Variants in CTNND2 observed in about 807,000 individuals in gnomAD.
CTNND2 encodes the protein catenin delta-2.
CTNND2 carries 22 observed loss-of-function variants against 144.4 expected under a neutral mutation model. The ratio of observed to expected loss-of-function variants is 0.15; its 90% CI spans 0.11 to 0.22. CTNND2 has a LOEUF of 0.22. CTNND2 is among the 10% of genes least tolerant of loss of function. The pLI, the probability that CTNND2 is intolerant of heterozygous loss-of-function variation, is 1.00. For synonymous variants in CTNND2, 751 were observed against 695.6 expected (o/e 1.08, Z -1.25); for missense variants, 1,353 against 1,618.8 (o/e 0.84, Z 2.82).
chr5:11,841,757 T>C (rs139063243), intron 1 of CTNND2, among the ~76,000 whole-genome samples: 4 of 152,046 alleles, frequency 2.6e-5, no homozygotes, highest in Non-Finnish European at 4.4e-5. Context: ...TGGACTATAA[T>C]GACATTTAAT....
At chr5:11,321,869 G>A (rs910220470) in intron 9 of CTNND2, among the ~76,000 whole-genome samples, 2 of 152,054 alleles carry the variant, frequency 1.3e-5, no homozygotes, top group African/African-American at 4.8e-5. Context: ...GCAGAGGTGA[G>A]CTTCCTAAAG....
intron 7 of CTNND2, among the ~76,000 whole-genome samples, chr5:11,368,414 C>T (rs759574781): frequency 4.6e-5 from 7 of 151,956 alleles, no homozygotes; most frequent in African/African-American, 1.2e-4. Context: ...GTTGGGGGAG[C>T]GAGGAAAGGG....
intron 16 of CTNND2, among the ~76,000 whole-genome samples, chr5:11,078,163 G>A (rs2973521): frequency 0.76 from 116,348 of 152,110 alleles, 45,537 homozygotes; most frequent in African/African-American, 0.93. Flanking sequence ...GAGAGGTGAT[G>A]GAGAGGAGAG....
At chr5:11,127,994 G>A (rs993406290) in intron 12 of CTNND2, among the ~76,000 whole-genome samples, 14 of 151,688 alleles carry the variant, frequency 9.2e-5, no homozygotes, top group Non-Finnish European at 2.1e-4. Context: ...CTTAATTCTT[G>A]GAGTCTGTGA....
intron 1 of CTNND2, among the ~76,000 whole-genome samples, chr5:11,842,821 T>G (rs1420892210): frequency 2.6e-5 from 4 of 152,220 alleles, no homozygotes; most frequent in African/African-American, 9.6e-5. Flanking sequence ...ATTATTAAAT[T>G]TAATTTCACC....
At chr5:11,478,120 ACTT>A (rs371169882) in intron 3 of CTNND2, among the ~76,000 whole-genome samples, 7 of 152,158 alleles carry the variant, frequency 4.6e-5, no homozygotes, top group Non-Finnish European at 1.0e-4. Context: ...CTCACTCTAC[ACTT>A]CTTCTCTCAT....
At position 11,395,483 on chromosome 5, in the gene CTNND2, A is replaced by G. The variant is rs1760012793; in HGVS notation, c.612+1548T>C. Among the ~76,000 whole-genome samples, 5 of 152,328 alleles carry G rather than the reference A, an allele frequency of 3.3e-5. No homozygotes were observed. The South Asian group carries it at 1.0e-3, about 32-fold the overall frequency. ...GTAACCTTTGCCTCAAACTTAAGTT[A>G]TATCTTTGAACATTTACATTTATCG... is the stretch of plus-strand genomic sequence containing the variant. On this transcript the variant is annotated intron_variant, in intron 6 of 21. Coordinates refer to ENST00000304623, the MANE Select transcript of CTNND2 (RefSeq NM_001332.4).
At chr5:11,807,502 C>T (rs1460800033) in intron 1 of CTNND2, among the ~76,000 whole-genome samples, 2 of 152,140 alleles carry the variant, frequency 1.3e-5, no homozygotes, top group Admixed American at 1.3e-4. Context: ...AGCAAATGTG[C>T]TCCACACTCC....
At chr5:11,901,896 C>T (rs1305615933) in intron 1 of CTNND2, among the ~76,000 whole-genome samples, 2 of 152,166 alleles carry the variant, frequency 1.3e-5, no homozygotes, top group African/African-American at 4.8e-5. Context: ...GGAAACGAGA[C>T]ATGTATGCTA....
Position 11,539,734 on chromosome 5 carries a change from T to C in CTNND2, c.287+25210A>G, listed in dbSNP as rs180722911. Among the ~76,000 whole-genome samples the C allele has an allele frequency of 1.6e-3, 247 of 152,272 alleles. 2 individuals carry two copies. The highest frequency in any genetic ancestry group is 5.2e-3 in the African/African-American group (217 of 41,546). Reference sequence around the variant, plus strand: ...CATGCTTGTTCCTCCACCTGAAACATTTAAAATTACCATTGTGGGCCGGGT... The same window carrying C: ...CATGCTTGTTCCTCCACCTGAAACACTTAAAATTACCATTGTGGGCCGGGT... On this transcript the variant is annotated intron_variant, in intron 3 of 21. Transcript: ENST00000304623.
intron 10 of CTNND2, among the ~76,000 whole-genome samples, chr5:11,223,478 GTGTAGC>G (rs759778919): frequency 1.0e-3 from 154 of 152,320 alleles, no homozygotes; most frequent in Non-Finnish European, 1.9e-3. Context: ...TCTTCCCCCA[GTGTAGC>G]TTCCTTTCCT....
At chr5:11,861,304 C>T (rs1313010134) in intron 1 of CTNND2, among the ~76,000 whole-genome samples, 6 of 152,154 alleles carry the variant, frequency 3.9e-5, no homozygotes, top group Non-Finnish European at 7.3e-5. Flanking sequence ...CAGCATAATA[C>T]CACATAACAG....
At chr5:11,006,567 C>T (rs1233438844) in intron 18 of CTNND2, among the ~76,000 whole-genome samples, 1 of 152,204 alleles carries the variant, frequency 6.6e-6, no homozygotes, top group Non-Finnish European at 1.5e-5. Flanking sequence ...ATGTTTAGGT[C>T]TGCGTGTTAC....
intron 1 of CTNND2, among the ~76,000 whole-genome samples, chr5:11,746,705 G>C (rs1461747542): frequency 6.6e-6 from 1 of 152,040 alleles, no homozygotes. Flanking sequence ...CACAGAAATT[G>C]GGTCTTATTC....
chr5:11,732,382 G>T, intron 1 of CTNND2, 110 bp from the exon 2 acceptor site: 9 of 1,026,524 alleles, frequency 8.8e-6, no homozygotes, highest in Non-Finnish European at 1.3e-5. Flanking sequence ...ACTATAAGCT[G>T]CTGAGAAAGA....
intron 9 of CTNND2, among the ~76,000 whole-genome samples, chr5:11,250,481 CTCTCTCTCTCTATATATATA>C (rs1340913104): frequency 2.6e-4 from 17 of 64,194 alleles, no homozygotes; most frequent in African/African-American, 1.1e-3. Flanking sequence ...CTCTCTCTCT[CTCTCTCTCTCTATATATATA>C]TATATATATA....
At chr5:11,513,773 A>C (rs1178885750) in intron 3 of CTNND2, among the ~76,000 whole-genome samples, 1 of 152,146 alleles carries the variant, frequency 6.6e-6, no homozygotes, top group Non-Finnish European at 1.5e-5. Flanking sequence ...CAGACATTTA[A>C]TGAGTCTACA....
At chr5:11,171,229 T>A (rs1759870393) in intron 11 of CTNND2, among the ~76,000 whole-genome samples, 1 of 152,194 alleles carries the variant, frequency 6.6e-6, no homozygotes, top group South Asian at 2.1e-4. Context: ...AGAGGGGTAC[T>A]GATCTGTGAA....
At chr5:11,284,725 C>G (rs182176393) in intron 9 of CTNND2, among the ~76,000 whole-genome samples, 31 of 152,204 alleles carry the variant, frequency 2.0e-4, no homozygotes, top group African/African-American at 7.2e-4. Context: ...AATGAACATA[C>G]ATGTACATGT....
Sources: allele counts gnomAD v4.1 joint callset (sites outside exome capture counted in the v4.1 genomes callset), GRCh38; gene constraint gnomAD v4.1.1; transcripts MANE v1.5; gene names NCBI Gene and HGNC (gene_info 2026-07-23, HGNC 2026-07-21).